COMMD10: variants seen among roughly 807,000 people sequenced by gnomAD.
COMMD10 encodes the protein COMM domain-containing protein 10.
Under a neutral mutation model 28.9 loss-of-function variants are expected in COMMD10, and 33 were observed. The observed-to-expected ratio is 1.14, with a 90% CI of 0.87 to 1.53. The LOEUF (loss-of-function observed/expected upper bound fraction) is 1.53, where lower values mean the gene tolerates loss of function less well. COMMD10 is among the 40% of genes most tolerant of loss of function. The pLI is 0.00. For missense variants in COMMD10, 310 were observed against 233.4 expected (o/e 1.33, Z -2.14); for synonymous variants, 110 against 81.7 (o/e 1.35, Z -1.87).
chr5:116,098,929 A>G (rs1750556800), intron 4 of COMMD10, among the ~76,000 whole-genome samples: 1 of 152,232 alleles, frequency 6.6e-6, no homozygotes, highest in Non-Finnish European at 1.5e-5. Context: ...ATTAATCAAC[A>G]TATCTGTCAC....
intron 5 of COMMD10, among the ~76,000 whole-genome samples, chr5:116,209,941 T>G (rs1748915685): frequency 6.6e-6 from 1 of 152,186 alleles, no homozygotes; most frequent in African/African-American, 2.4e-5. Flanking sequence ...AGAGATTTAT[T>G]TGACCCATAG....
At chr5:116,160,476 A>C (rs1403188277) in intron 5 of COMMD10, among the ~76,000 whole-genome samples, 1 of 152,194 alleles carries the variant, frequency 6.6e-6, no homozygotes, top group African/African-American at 2.4e-5. Context: ...GTGATTGATA[A>C]AGCTAGAAAG....
chr5:116,154,787 ATT>A (rs35133023), intron 5 of COMMD10, among the ~76,000 whole-genome samples: 110,848 of 149,612 alleles, frequency 0.74, 41,295 homozygotes, highest in Non-Finnish European at 0.8. Flanking sequence ...ATAGCCCTTC[ATT>A]TTTTTTTTTT....
At chr5:116,201,681 A>G (rs1748671703) in intron 5 of COMMD10, among the ~76,000 whole-genome samples, 1 of 152,132 alleles carries the variant, frequency 6.6e-6, no homozygotes, top group South Asian at 2.1e-4. Flanking sequence ...ATGCCAGACC[A>G]GAAACCAGAA....
intron 5 of COMMD10, among the ~76,000 whole-genome samples, chr5:116,233,470 C>A (rs1471716518): frequency 6.6e-6 from 1 of 152,010 alleles, no homozygotes; most frequent in Non-Finnish European, 1.5e-5. Context: ...AGTCCTTGAC[C>A]CTTGTGAAGT....
At chr5:116,132,786 A>G (rs1401904196) in intron 4 of COMMD10, among the ~76,000 whole-genome samples, 1 of 152,166 alleles carries the variant, frequency 6.6e-6, no homozygotes, top group Non-Finnish European at 1.5e-5. Context: ...TGCTGTAATC[A>G]GTGTTAAAGA....
chr5:116,175,074 T>G (rs563256348), intron 5 of COMMD10, among the ~76,000 whole-genome samples: 1 of 152,316 alleles, frequency 6.6e-6, no homozygotes, highest in East Asian at 1.9e-4. Context: ...TTCCTGAATG[T>G]CTTTCTAAAT....
At chr5:116,218,624 T>C (rs1749165593) in intron 5 of COMMD10, among the ~76,000 whole-genome samples, 1 of 152,140 alleles carries the variant, frequency 6.6e-6, no homozygotes, top group Admixed American at 6.5e-5. Context: ...GGTAAGAGCT[T>C]CCCTATTCCC....
chr5:116,108,348 G>T (rs1001718878), intron 4 of COMMD10, among the ~76,000 whole-genome samples: 2 of 152,230 alleles, frequency 1.3e-5, no homozygotes, highest in African/African-American at 4.8e-5. Flanking sequence ...TGAGGCTACT[G>T]CCTTTTTTTC....
rs140295582 is a variant in COMMD10 at position 116,288,369 on chromosome 5, T to A, written c.511-3148T>A. On this transcript the variant is annotated intron_variant, in intron 5 of 6. Coordinates refer to ENST00000274458, the MANE Select transcript of COMMD10 (RefSeq NM_016144.4). ...TAAATCACTTTTCTCTTGCTGCTCT[T>A]AAGTTTCTGTCTTTGACTTTACACA... Among the ~76,000 whole-genome samples the A allele has an allele frequency of 1.6e-3, 239 of 152,004 alleles. 4 individuals are homozygous for A. Among genetic ancestry groups the A allele is most frequent in the African/African-American group, 5.4e-3 (224 of 41,322 alleles).
At chr5:116,220,340 T>C (rs1354758813) in intron 5 of COMMD10, among the ~76,000 whole-genome samples, 1 of 152,124 alleles carries the variant, frequency 6.6e-6, no homozygotes, top group Non-Finnish European at 1.5e-5. Context: ...AATCAGGAAG[T>C]AAAGGAATTC....
At chr5:116,275,931 A>G in intron 5 of COMMD10, among the ~76,000 whole-genome samples, 1 of 150,848 alleles carries the variant, frequency 6.6e-6, no homozygotes. Flanking sequence ...TTAGAGGGAA[A>G]GTAAAGAAAT....
chr5:116,099,430 A>AAGT (rs3072953), intron 4 of COMMD10, among the ~76,000 whole-genome samples: 2 of 151,520 alleles, frequency 1.3e-5, no homozygotes, highest in Admixed American at 6.6e-5. Context: ...ATATCTCTTC[A>AAGT]ACTGATTTCA....
intron 5 of COMMD10, among the ~76,000 whole-genome samples, chr5:116,169,533 C>CA (rs1263117448): frequency 6.6e-6 from 1 of 151,954 alleles, no homozygotes; most frequent in African/African-American, 2.4e-5. Context: ...AGAGACACAA[C>CA]AAAAAAAGAA....
intron 5 of COMMD10, among the ~76,000 whole-genome samples, chr5:116,211,312 A>G (rs1365987106): frequency 6.6e-6 from 1 of 152,150 alleles, no homozygotes; most frequent in Non-Finnish European, 1.5e-5. Flanking sequence ...ATAGCCTACT[A>G]CACAGCTATG....
At chr5:116,276,833 A>T (rs1750930236) in intron 5 of COMMD10, among the ~76,000 whole-genome samples, 1 of 151,746 alleles carries the variant, frequency 6.6e-6, no homozygotes, top group Admixed American at 6.6e-5. Context: ...AACAAAGTAG[A>T]TTGCTGGTTA....
intron 4 of COMMD10, among the ~76,000 whole-genome samples, chr5:116,113,227 T>C (rs1272621039): frequency 2.0e-5 from 3 of 152,102 alleles, no homozygotes. Flanking sequence ...CACTTTTCTC[T>C]TGATTGTAGA....
Position 116,099,220 on chromosome 5 carries a change from T to C in COMMD10, c.399+6520T>C, listed in dbSNP as rs1335438570. Among the ~76,000 whole-genome samples the C allele has an allele frequency of 2.0e-5, 3 of 152,296 alleles. No homozygotes were observed. The East Asian group carries it at 5.8e-4, about 29-fold the overall frequency. On this transcript the variant is annotated intron_variant, in intron 4 of 6. Transcript: ENST00000274458. ...TATGCGTATAAATTAGCTCATACAG[T>C]GTTTTGTCTTTCTGTGCCTGGCTTA... is the stretch of plus-strand genomic sequence containing the variant.
At chr5:116,107,341 C>T (rs1462894646) in intron 4 of COMMD10, among the ~76,000 whole-genome samples, 1 of 152,180 alleles carries the variant, frequency 6.6e-6, no homozygotes, top group Admixed American at 6.5e-5. Context: ...GGTCTTTTCA[C>T]ATAGTCCCAT....
Sources: allele counts gnomAD v4.1 joint callset (sites outside exome capture counted in the v4.1 genomes callset), GRCh38; gene constraint gnomAD v4.1.1; transcripts MANE v1.5; gene names NCBI Gene and HGNC (gene_info 2026-07-23, HGNC 2026-07-21).